Variants in RUVBL1 observed in about 807,000 individuals in gnomAD.
RUVBL1 encodes ruvB-like 1.
A neutral mutation model predicts 52.4 loss-of-function variants in RUVBL1; 4 were observed. That is an observed-to-expected ratio of 0.08 (90% confidence interval 0.04 to 0.17). The LOEUF (loss-of-function observed/expected upper bound fraction) is 0.17, where lower values mean the gene tolerates loss of function less well. RUVBL1 is among the 10% of genes least tolerant of loss of function. The pLI, the probability that RUVBL1 is intolerant of heterozygous loss-of-function variation, is 1.00. For missense variants in RUVBL1, 298 were observed against 572.8 expected (o/e 0.52, Z 4.90); for synonymous variants, 217 against 214.4 (o/e 1.01, Z -0.10).
At chr3:128,112,636 G>T (rs905222852) in intron 3 of RUVBL1, among the ~76,000 whole-genome samples, 1 of 152,122 alleles carries the variant, frequency 6.6e-6, no homozygotes, top group African/African-American at 2.4e-5. Context: ...AACACTTTTA[G>T]ACACATCTAT....
chr3:128,119,973 T>C (rs1215054039), intron 1 of RUVBL1, among the ~76,000 whole-genome samples: 1 of 152,204 alleles, frequency 6.6e-6, no homozygotes, highest in Non-Finnish European at 1.5e-5. Context: ...TCTACATAAA[T>C]AATACAAAGC....
At chr3:128,139,002 T>C (rs1943983293) in intron 1 of RUVBL1, among the ~76,000 whole-genome samples, 1 of 152,006 alleles carries the variant, frequency 6.6e-6, no homozygotes, top group Non-Finnish European at 1.5e-5. Context: ...CGAGAGAAAA[T>C]GAAACTAGAC....
chr3:128,152,360 A>G (rs1944233610), intron 1 of RUVBL1, among the ~76,000 whole-genome samples: 1 of 152,078 alleles, frequency 6.6e-6, no homozygotes, highest in African/African-American at 2.4e-5. Flanking sequence ...CCATCTTCAA[A>G]CCATCTTTTC....
intron 2 of RUVBL1, among the ~76,000 whole-genome samples, chr3:128,113,373 C>A (rs143852069): frequency 6.6e-6 from 1 of 152,280 alleles, no homozygotes; most frequent in East Asian, 1.9e-4. Flanking sequence ...AACGTAAGTA[C>A]CATAATCTAG....
At chr3:128,124,711 A>G (rs1943755348), upstream of RUVBL1, among the ~76,000 whole-genome samples, 1 of 152,172 alleles carries the variant, frequency 6.6e-6, no homozygotes. Context: ...AAAACTTGCA[A>G]CGTGAGATGT....
chr3:128,142,289 G>A (rs1450002679), intron 1 of RUVBL1, among the ~76,000 whole-genome samples: 1 of 152,190 alleles, frequency 6.6e-6, no homozygotes, highest in African/African-American at 2.4e-5. Context: ...TAGGTTGGAT[G>A]AATGCAGCTG....
exon 10 of RUVBL1, chr3:128,065,128 C>T (rs1184385215): frequency 2.3e-6 from 3 of 1,306,948 alleles, no homozygotes; most frequent in Admixed American, 1.7e-5. Flanking sequence ...GTGGGGTGCA[C>T]TGTCATCATA....
At chr3:128,105,860 T>C (rs370879411) in intron 3 of RUVBL1, among the ~76,000 whole-genome samples, 27 of 125,338 alleles carry the variant, frequency 2.2e-4, no homozygotes, top group African/African-American at 9.0e-4. Flanking sequence ...TTTCTTTCCC[T>C]TTTTCTTTTT....
intron 9 of RUVBL1, among the ~76,000 whole-genome samples, chr3:128,074,864 A>AACT (rs1942264640): frequency 6.6e-6 from 1 of 151,186 alleles, no homozygotes; most frequent in Non-Finnish European, 1.5e-5. Context: ...AAAAAAAAAA[A>AACT]ACTTAAAAAA....
Position 128,081,869 on chromosome 3 carries a change from C to T in RUVBL1, c.1212-460G>A, listed in dbSNP as rs984583839. 1 of 163,928 alleles carries T rather than the reference C, an allele frequency of 6.1e-6. No individual in the cohort carries two copies. Among genetic ancestry groups the T allele is most frequent in the African/African-American group, 2.4e-5 (1 of 41,624 alleles). The allele number at this position is 163,928 out of a possible 1,614,324, so 10.2% of individuals were successfully genotyped here. On this transcript the variant is annotated intron_variant, in intron 10 of 10. Transcript: ENST00000322623. This position sits in a 1 kb window ranked among gnomAD's most constrained non-coding sequence, Gnocchi z 4.8. ...CAAACCTCACAGCTTGCATTTCTGC[C>T]TTCAACCTCAGGAGCAAGAACTGAC...
intron 3 of RUVBL1, among the ~76,000 whole-genome samples, chr3:128,112,190 G>C (rs569163141): frequency 5.3e-5 from 8 of 152,340 alleles, no homozygotes; most frequent in African/African-American, 1.9e-4. Flanking sequence ...CGAAAGAGAA[G>C]CCATTTTCTT....
chr3:128,103,588 A>G (rs531309368), intron 4 of RUVBL1, among the ~76,000 whole-genome samples: 74 of 152,348 alleles, frequency 4.9e-4, no homozygotes, highest in Admixed American at 8.5e-4. Context: ...TGCAGTTTAT[A>G]GATGAGAAAA....
At chr3:128,105,822 T>C (rs150036634) in intron 3 of RUVBL1, among the ~76,000 whole-genome samples, 3 of 151,988 alleles carry the variant, frequency 2.0e-5, no homozygotes, top group Non-Finnish European at 2.9e-5. Flanking sequence ...TTATTTGCAA[T>C]GTGTTGCTCT....
At chr3:128,131,795 A>G (rs989461511) in intron 1 of RUVBL1, among the ~76,000 whole-genome samples, 2 of 152,204 alleles carry the variant, frequency 1.3e-5, no homozygotes, top group African/African-American at 4.8e-5. Context: ...ATGATCCAAA[A>G]AACAACTAGG....
In RUVBL1 at chr3:128,153,851, G is replaced by C. The variant is rs752265270; in HGVS notation, c.-688C>G. 2.0e-6 allele frequency: 3 copies of C among 1,474,570 alleles called. No individual in the cohort carries two copies. In the African/African-American group the frequency reaches 4.4e-5, roughly 22 times the overall value. 91.3% of individuals were successfully genotyped at this position (1,474,570 alleles called of 1,614,324 possible). ...GAGCGCGGGCCGGGGCGGGAGCCGG[G>C]CTCAGGGACGCGGGCGGAGCGACCG... On this transcript the variant is annotated 5_prime_UTR_variant, in exon 1 of 10. Transcript: ENST00000464873.
rs1049655901 is a variant in RUVBL1 at position 128,153,841 on chromosome 3, C to G, written c.-678G>C. The stretch of plus-strand genomic sequence containing the variant: ...CATCGGCGGTGAGCGCGGGCCGGGG[C>G]GGGAGCCGGGCTCAGGGACGCGGGC... On this transcript the variant is annotated 5_prime_UTR_variant, in exon 1 of 10. Coordinates refer to the RUVBL1 transcript ENST00000464873. The G allele has an allele frequency of 1.6e-5, 24 of 1,492,854 alleles. No individual in the cohort carries two copies. In the Admixed American group the frequency reaches 5.3e-4, roughly 33 times the overall value. 92.5% of individuals were successfully genotyped at this position (1,492,854 alleles called of 1,614,324 possible). A position where few individuals can be genotyped will look rare whatever the true frequency, so the allele number is the denominator to read the frequency against.
chr3:128,138,021 T>C (rs1296201874), intron 1 of RUVBL1, among the ~76,000 whole-genome samples: 12 of 152,120 alleles, frequency 7.9e-5, no homozygotes, highest in Non-Finnish European at 7.4e-5. Flanking sequence ...CTCAAAAAAC[T>C]TGGCATAGAA....
upstream of RUVBL1, among the ~76,000 whole-genome samples, chr3:128,126,343 C>T (rs1485690789): frequency 2.0e-5 from 3 of 151,990 alleles, no homozygotes; most frequent in Non-Finnish European, 4.4e-5. Context: ...GTCAGGAGTT[C>T]GAAACCAGCC....
chr3:128,096,688 G>T (rs180979961), intron 8 of RUVBL1, among the ~76,000 whole-genome samples: 2 of 152,126 alleles, frequency 1.3e-5, no homozygotes, highest in East Asian at 3.8e-4. Context: ...TTAGCCAGGC[G>T]TGGTGGTGGG....
Sources: allele counts gnomAD v4.1 joint callset (sites outside exome capture counted in the v4.1 genomes callset), GRCh38; gene constraint gnomAD v4.1.1; non-coding constraint Gnocchi (gnomAD v3.1); transcripts MANE v1.5; gene names NCBI Gene and HGNC (gene_info 2026-07-23, HGNC 2026-07-21).